NADSYN1: variants seen among roughly 807,000 people sequenced by gnomAD.
NADSYN1 encodes the protein glutamine-dependent NAD(+) synthetase.
Under a neutral mutation model 99.3 loss-of-function variants are expected in NADSYN1, and 80 were observed. The observed-to-expected ratio is 0.81, with a 90% confidence interval of 0.67 to 0.97. The LOEUF (loss-of-function observed/expected upper bound fraction) is 0.97. NADSYN1 is among the 50% of genes least tolerant of loss of function. NADSYN1 has a pLI of 0.00. For synonymous variants in NADSYN1, 385 were observed against 372.1 expected, an observed-to-expected ratio of 1.03 and a Z score of -0.40; for missense variants, 859 against 948.5, an observed-to-expected ratio of 0.91 and a Z score of 1.24.
intron 5 of NADSYN1, among the ~76,000 whole-genome samples, chr11:71,468,820 A>G (rs920526954): frequency 1.3e-5 from 2 of 152,262 alleles, no homozygotes; most frequent in Non-Finnish European, 2.9e-5. Flanking sequence ...AGCCAGGTTC[A>G]TTTCATTTAC....
At chr11:71,498,308 T>TC in intron 19 of NADSYN1, 44 bp from the exon 20 acceptor site, 1 of 1,608,394 alleles carries the variant, frequency 6.2e-7, no homozygotes. Context: ...CTGGGGTCTC[T>TC]CCAGTTTTGG....
intron 3 of NADSYN1, chr11:71,460,155 T>C (rs1454133249): frequency 6.6e-6 from 1 of 152,124 alleles, no homozygotes; most frequent in Admixed American, 6.5e-5. Flanking sequence ...TGGCCCAGAT[T>C]GTCCAGAATC....
At position 71,476,545 on chromosome 11, in the gene NADSYN1, G is replaced by A. The variant is rs551942444; in HGVS notation, c.799-1850G>A. The A allele has an allele frequency of 5.8e-6, 3 of 521,340 alleles. No individual in the cohort carries two copies. In the South Asian group the frequency reaches 2.1e-4, roughly 36 times the overall value. The allele number at this position is 521,340 out of a possible 1,614,324, so 32.3% of individuals were successfully genotyped here. The stretch of plus-strand genomic sequence containing the variant: ...ACAAGAATTCCACGGTCTTTTCAGG[G>A]GTTTCTTGCACGGGGGCAGGCAAGG... On this transcript the variant is annotated intron_variant, in intron 9 of 20. Transcript: ENST00000319023.
chr11:71,467,840 A>C (rs947241415), intron 5 of NADSYN1, among the ~76,000 whole-genome samples: 5 of 152,268 alleles, frequency 3.3e-5, no homozygotes, highest in South Asian at 2.1e-4. Context: ...GATGTTTAAA[A>C]GATGCTGTTC....
At chr11:71,485,921 T>C (rs1471693235) in intron 16 of NADSYN1, among the ~76,000 whole-genome samples, 1 of 152,208 alleles carries the variant, frequency 6.6e-6, no homozygotes, top group East Asian at 1.9e-4. Context: ...CCCTCTGCCA[T>C]GGTCAGGCTC....
rs760189586 is a variant in NADSYN1 at position 71,474,629 on chromosome 11, A to G, written c.798+103A>G. The G allele has an allele frequency of 3.3e-6, 5 of 1,507,848 alleles. No homozygotes were observed. In the African/African-American group the frequency reaches 6.9e-5, roughly 21 times the overall value. 93.4% of individuals were successfully genotyped at this position (1,507,848 alleles called of 1,614,324 possible). On this transcript the variant is annotated intron_variant, in intron 9 of 20. Coordinates refer to ENST00000319023, the MANE Select transcript of NADSYN1 (RefSeq NM_018161.5). Reference sequence around the variant, plus strand: ...GGGTGCTTAGTGAGGGCCCCTGTGGAGAAGCCCCCGGGGGTCCCGCCTGCT... The same window carrying G: ...GGGTGCTTAGTGAGGGCCCCTGTGGGGAAGCCCCCGGGGGTCCCGCCTGCT...
chr11:71,473,777 C>T, intron 8 of NADSYN1, 91 bp downstream of exon 8: 3 of 914,032 alleles, frequency 3.3e-6, no homozygotes, highest in Non-Finnish European at 5.3e-6. Context: ...GGGCTGGGCC[C>T]ACACACAATG....
intron 7 of NADSYN1, 31 bp downstream of exon 7, chr11:71,473,397 G>A (rs752839719): frequency 1.2e-5 from 19 of 1,607,596 alleles, no homozygotes; most frequent in African/African-American, 5.3e-5. Context: ...CTGTCTGATC[G>A]CCCACCTCAT....
In NADSYN1 at chr11:71,490,829, C is replaced by G; in HGVS notation, c.1563-16C>G. 1 of 1,613,772 alleles carries G rather than the reference C, an allele frequency of 6.2e-7. No homozygotes were observed. Among genetic ancestry groups the G allele is most frequent in the Non-Finnish European group, 8.5e-7 (1 of 1,179,784 alleles). ...GGCCCCTTGGGAACCCGCGCTCTTT[C>G]TCCCTCTCCCTGCAGTCTCCTGGGC... On this transcript the variant is annotated splice_polypyrimidine_tract_variant and intron_variant, in intron 16 of 20. Transcript: ENST00000319023.
chr11:71,473,061 G>A (rs1397512394), intron 6 of NADSYN1, among the ~76,000 whole-genome samples: 2 of 152,162 alleles, frequency 1.3e-5, no homozygotes, highest in Admixed American at 6.5e-5. Flanking sequence ...GAGTACAGGC[G>A]TCCCCTTCTT....
In NADSYN1 at chr11:71,476,583, C is replaced by T. The variant is rs1949667633; in HGVS notation, c.799-1812C>T. 21 of 905,462 alleles carry T rather than the reference C, an allele frequency of 2.3e-5. 1 individual carries two copies. The highest frequency in any genetic ancestry group is 2.8e-5 in the Non-Finnish European group (21 of 753,796). The allele number at this position is 905,462 out of a possible 1,614,324, so 56.1% of individuals were successfully genotyped here. ...GGGGCAGGCAAGGGTGTGGCCGTCTCGACTCCAGGCCCTGCTTTCCACATG... is the reference window on the plus strand; with the variant it reads ...GGGGCAGGCAAGGGTGTGGCCGTCTTGACTCCAGGCCCTGCTTTCCACATG... On this transcript the variant is annotated intron_variant, in intron 9 of 20. Transcript: ENST00000319023.
intron 18 of NADSYN1, chr11:71,497,214 A>C: frequency 2.3e-6 from 1 of 440,334 alleles, no homozygotes; most frequent in Non-Finnish European, 4.2e-6. Context: ...ATCCCCAGGA[A>C]CTGGGCCTTC....
Position 71,482,901 on chromosome 11 carries a change from C to G in NADSYN1, c.1203C>G (p.Thr401=), listed in dbSNP as rs1006976677. The G allele has an allele frequency of 6.2e-7, 1 of 1,613,094 alleles. No homozygotes were observed. The highest frequency in any genetic ancestry group is 8.5e-7 in the Non-Finnish European group (1 of 1,179,640). ...VRTIVNQISY[T]PQDPRDLCGR... ...CCATCGTGAACCAGATCAGCTACAC[C>G]CCCCAGGATCCCCGAGACCTCTGTG... Residue 401 remains threonine, a synonymous_variant, in exon 14 of 21, where the codon ACC becomes ACG. Coordinates refer to ENST00000319023, the MANE Select transcript of NADSYN1 (RefSeq NM_018161.5).
At position 71,482,978 on chromosome 11, in the gene NADSYN1, C is replaced by G; in HGVS notation, c.1280C>G (p.Thr427Arg). Residue 427 changes from threonine (T) to arginine (R), a missense_variant, in exon 14 of 21, where the codon ACG becomes AGG. Thr to Arg is a moderately conservative substitution (Grantham distance 71). Coordinates refer to ENST00000319023, the MANE Select transcript of NADSYN1 (RefSeq NM_018161.5). ...YMASKNSSQE[T>R]CTRARELAQQ... Reference sequence around the variant, plus strand: ...GCCAGCAAGAACTCCTCCCAGGAGACGTGCACCCGGGCCAGAGAGTTGGCC... The same window carrying G: ...GCCAGCAAGAACTCCTCCCAGGAGAGGTGCACCCGGGCCAGAGAGTTGGCC... 6.2e-7 allele frequency: 1 copy of G among 1,612,588 alleles called. No individual in the cohort carries two copies. The highest frequency in any genetic ancestry group is 1.1e-5 in the South Asian group (1 of 91,010).
rs748346324 is a variant in NADSYN1, at chr11:71,474,400, T to C, written c.672T>C (p.Gly224=). 6 of 1,613,936 alleles carry C rather than the reference T, an allele frequency of 3.7e-6. No homozygotes were observed. In the East Asian group the frequency reaches 1.1e-4, roughly 30 times the overall value. The part of the protein sequence containing the change: ...DLVTMVTSKN[G]GIYLLANQKG... ...ATGGGGTCCTCCTTTTTCAGAACGG[T>C]GGGATTTACTTGCTGGCCAACCAGA... is the stretch of plus-strand genomic sequence containing the variant. The change falls in exon 9 of 21, where the codon GGT becomes GGC. Residue 224 remains glycine, a synonymous_variant. Coordinates refer to ENST00000319023, the MANE Select transcript of NADSYN1 (RefSeq NM_018161.5).
Position 71,453,487 on chromosome 11 carries a change from C to G in NADSYN1, c.85+106C>G, listed in dbSNP as rs1233748502. ...TCACAGCCTTGCCCTGGGAAACTCTCGGCCCTGGGCATGGGATCAGGTGAG... is the reference window on the plus strand; with the variant it reads ...TCACAGCCTTGCCCTGGGAAACTCTGGGCCCTGGGCATGGGATCAGGTGAG... On this transcript the variant is annotated intron_variant, in intron 1 of 20. Transcript: ENST00000319023. 3 of 1,052,482 alleles carry G rather than the reference C, an allele frequency of 2.9e-6. No homozygotes were observed. In the African/African-American group the frequency reaches 4.8e-5, roughly 17 times the overall value. 65.2% of individuals were successfully genotyped at this position (1,052,482 alleles called of 1,614,324 possible). A position where few individuals can be genotyped will look rare whatever the true frequency, so the allele number is the denominator to read the frequency against.
At chr11:71,477,525 T>C in intron 9 of NADSYN1, 1 of 1,062,028 alleles carries the variant, frequency 9.4e-7, no homozygotes, top group Non-Finnish European at 1.2e-6. Flanking sequence ...GTGCAGGTGC[T>C]GTTCCCGCTG....
intron 3 of NADSYN1, chr11:71,460,840 G>A (rs1024411874): frequency 4.1e-4 from 62 of 152,170 alleles, no homozygotes; most frequent in African/African-American, 1.4e-3. Flanking sequence ...TGCTGAGTTG[G>A]GTCCCCGCCC....
At chr11:71,471,887 G>A (rs184438990) in intron 5 of NADSYN1, among the ~76,000 whole-genome samples, 19 of 152,228 alleles carry the variant, frequency 1.2e-4, no homozygotes, top group Middle Eastern at 3.4e-3. Flanking sequence ...GGTGCATCTC[G>A]TAACAGCCTA....
Sources: allele counts gnomAD v4.1 joint callset (sites outside exome capture counted in the v4.1 genomes callset), GRCh38; gene constraint gnomAD v4.1.1; transcripts MANE v1.5; gene names NCBI Gene and HGNC (gene_info 2026-07-23, HGNC 2026-07-21).